Variants in MAGI2 observed in about 807,000 individuals in gnomAD.
The protein encoded by MAGI2 is membrane-associated guanylate kinase, WW and PDZ domain-containing protein 2.
Under a neutral mutation model 133.3 loss-of-function variants are expected in MAGI2, and 35 were observed. The observed-to-expected ratio is 0.26, with a 90% CI of 0.20 to 0.35. The LOEUF is 0.35. Ranked by LOEUF, MAGI2 falls within the 10% of genes least tolerant of loss-of-function variation. MAGI2 has a pLI of 1.00. For missense variants in MAGI2, 1,636 were observed against 1,863.4 expected (o/e 0.88, Z 2.25); for synonymous variants, 729 against 710.6 (o/e 1.03, Z -0.41).
intron 2 of MAGI2, among the ~76,000 whole-genome samples, chr7:78,677,755 T>A (rs1815206113): frequency 6.6e-6 from 1 of 152,068 alleles, no homozygotes. Context: ...ATCCTCTTAG[T>A]TTTTGGAATG....
intron 1 of MAGI2, among the ~76,000 whole-genome samples, chr7:79,050,161 T>G (rs183566519): frequency 1.1e-4 from 17 of 152,276 alleles, no homozygotes; most frequent in African/African-American, 4.1e-4. Flanking sequence ...AGAAGTCTGT[T>G]GTTTTCTCAT....
chr7:78,350,774 T>C (rs1305619204), intron 7 of MAGI2, among the ~76,000 whole-genome samples: 2 of 152,146 alleles, frequency 1.3e-5, no homozygotes, highest in Non-Finnish European at 2.9e-5. Flanking sequence ...AAGTCTTAAA[T>C]ACTGAGCCCA....
chr7:78,722,190 C>T (rs970388394), intron 2 of MAGI2, among the ~76,000 whole-genome samples: 23 of 151,440 alleles, frequency 1.5e-4, no homozygotes, highest in Non-Finnish European at 3.0e-4. Flanking sequence ...ATTGTTTAAT[C>T]TAGGAAATTG....
At chr7:79,214,360 CCTCTCTCTCTCTCTCTCTCTCTCT>C (rs71531163) in intron 1 of MAGI2, among the ~76,000 whole-genome samples, 6 of 27,566 alleles carry the variant, frequency 2.2e-4, no homozygotes, top group South Asian at 1.8e-3. Flanking sequence ...GCATTACGCA[CCTCTCTCTCTCTCTCTCTCTCTCT>C]CTCTCTCTCT....
At chr7:78,137,314 A>G (rs774045676) in intron 16 of MAGI2, among the ~76,000 whole-genome samples, 12 of 152,212 alleles carry the variant, frequency 7.9e-5, no homozygotes, top group Non-Finnish European at 1.5e-4. Context: ...GTTTTTCGAC[A>G]GTAAAATTGG....
chr7:78,252,625 A>G (rs992990451), intron 10 of MAGI2: 2 of 151,968 alleles, frequency 1.3e-5, no homozygotes, highest in Admixed American at 6.6e-5. Context: ...ATATAACACC[A>G]AAAGAATGAT....
rs139273536 is a variant in MAGI2, at chr7:78,088,526, C to T, written c.3568-9441G>A. Among the ~76,000 whole-genome samples the T allele has an allele frequency of 4.6e-3, 705 of 152,208 alleles. 3 individuals are homozygous for T. The highest frequency in any genetic ancestry group is 8.2e-3 in the Non-Finnish European group (561 of 68,022). On this transcript the variant is annotated intron_variant, in intron 20 of 21. Transcript: ENST00000354212. ...TTTCGAAGAATGGGCAGGGTTAATG[C>T]AATCAAAGAGGGCTGTTGAGGCAAT... is the stretch of plus-strand genomic sequence containing the variant.
intron 6 of MAGI2, chr7:78,485,062 G>C (rs965552806): frequency 1.3e-5 from 2 of 152,004 alleles, no homozygotes; most frequent in African/African-American, 2.4e-5. Flanking sequence ...ACCCAGCAAT[G>C]CTCATGGGAT....
At chr7:78,465,352 A>T (rs1790510204) in intron 6 of MAGI2, among the ~76,000 whole-genome samples, 1 of 152,196 alleles carries the variant, frequency 6.6e-6, no homozygotes, top group Non-Finnish European at 1.5e-5. Context: ...GACTATGTCT[A>T]GATAGAGGAC....
At chr7:78,945,483 A>G (rs1348592361) in intron 2 of MAGI2, among the ~76,000 whole-genome samples, 1 of 152,206 alleles carries the variant, frequency 6.6e-6, no homozygotes, top group East Asian at 1.9e-4. Flanking sequence ...ATTACCTAAC[A>G]TAGGTGTAAT....
Position 78,775,320 on chromosome 7 carries a change from T to TAAAAAAAAAA in MAGI2, c.419-148091_419-148082dup, listed in dbSNP as rs3086258. 2.2e-3 allele frequency among the ~76,000 whole-genome samples: 129 copies of TAAAAAAAAAA among 57,370 alleles called. 13 individuals are homozygous for TAAAAAAAAAA. Among genetic ancestry groups the TAAAAAAAAAA allele is most frequent in the Middle Eastern group, 0.011 (1 of 88 alleles). 37.6% of individuals were successfully genotyped at this position (57,370 alleles called of 152,430 possible). On this transcript the variant is annotated intron_variant, in intron 2 of 21. Coordinates refer to ENST00000354212, the MANE Select transcript of MAGI2 (RefSeq NM_012301.4). The stretch of plus-strand genomic sequence containing the variant: ...AGAGCGAGACTCTGTCGTCTCAAAT[T>TAAAAAAAAAA]AAAAAAAAAAAAAAAAAAAAAAAAA...
chr7:78,810,174 T>A (rs1788921165), intron 2 of MAGI2, among the ~76,000 whole-genome samples: 1 of 147,448 alleles, frequency 6.8e-6, no homozygotes. Context: ...AAGTTATAGA[T>A]TTTTTTTTTA....
chr7:78,443,937 T>A (rs1170950007), intron 6 of MAGI2, among the ~76,000 whole-genome samples: 3 of 152,120 alleles, frequency 2.0e-5, no homozygotes, highest in Non-Finnish European at 4.4e-5. Context: ...GGGAGGAGAA[T>A]ATTCTTCAGA....
chr7:79,410,222 T>G (rs545958645), intron 1 of MAGI2: 3 of 152,128 alleles, frequency 2.0e-5, no homozygotes, highest in Admixed American at 6.6e-5. Context: ...TTAGAATGTA[T>G]TTATACTTAG....
chr7:79,419,583 G>A (rs1846790697), intron 1 of MAGI2, among the ~76,000 whole-genome samples: 2 of 151,906 alleles, frequency 1.3e-5, no homozygotes, highest in African/African-American at 4.8e-5. Context: ...CATCTTTCTG[G>A]CATGTCCACA....
intron 6 of MAGI2, among the ~76,000 whole-genome samples, chr7:78,455,286 A>G (rs764986600): frequency 4.6e-5 from 7 of 152,188 alleles, no homozygotes; most frequent in African/African-American, 7.2e-5. Flanking sequence ...TTGAATTCAG[A>G]AATGTCTACT....
chr7:78,915,619 T>A (rs1798732320), intron 2 of MAGI2, among the ~76,000 whole-genome samples: 1 of 152,040 alleles, frequency 6.6e-6, no homozygotes, highest in South Asian at 2.1e-4. Context: ...TAATTTACTC[T>A]CTAAAGTATC....
At chr7:78,938,186 T>C (rs1223769995) in intron 2 of MAGI2, among the ~76,000 whole-genome samples, 2 of 151,900 alleles carry the variant, frequency 1.3e-5, no homozygotes, top group Non-Finnish European at 2.9e-5. Flanking sequence ...CAAAATAGAC[T>C]TGTACAAAGG....
intron 2 of MAGI2, among the ~76,000 whole-genome samples, chr7:78,713,182 C>T (rs1352765029): frequency 6.6e-6 from 1 of 152,064 alleles, no homozygotes; most frequent in Admixed American, 6.6e-5. Context: ...AATTTGGAAC[C>T]TTGAATTTAG....
Sources: gnomAD v4.1 joint callset for allele counts (sites outside exome capture counted in the v4.1 genomes callset) on GRCh38, gnomAD v4.1.1 for gene constraint, MANE v1.5 for transcripts, NCBI Gene and HGNC (gene_info 2026-07-23, HGNC 2026-07-21) for gene names.